The following EFL1 variants were observed in gnomAD, a reference collection of about 807,000 sequenced individuals.
EFL1 encodes the protein elongation factor like GTPase 1, also known as elongation factor-like GTPase 1.
A neutral mutation model predicts 126.7 loss-of-function variants in EFL1; 76 were observed. The ratio of observed to expected loss-of-function variants is 0.60; its 90% CI spans 0.50 to 0.73. The LOEUF (loss-of-function observed/expected upper bound fraction) is 0.73. EFL1 is among the 30% of genes least tolerant of loss of function. The probability of loss-of-function intolerance (pLI) is 0.00; values close to 1 mark genes in which losing one functional copy is unlikely to be tolerated. For synonymous variants in EFL1, 410 were observed against 448.4 expected (o/e 0.91, Z 1.08); for missense variants, 1,128 against 1,343.2 (o/e 0.84, Z 2.50).
intron 12 of EFL1, among the ~76,000 whole-genome samples, chr15:82,221,348 C>T (rs1330320389): frequency 6.6e-6 from 1 of 152,130 alleles, no homozygotes; most frequent in African/African-American, 2.4e-5. Context: ...TGCAGGTAAC[C>T]ATTCTCCCTA....
At chr15:82,147,367 C>T (rs112379770) in intron 18 of EFL1, among the ~76,000 whole-genome samples, 60 of 152,152 alleles carry the variant, frequency 3.9e-4, no homozygotes, top group African/African-American at 1.4e-3. Context: ...TGGTGACTCA[C>T]GCCTGTAATC....
At chr15:82,166,949 G>T (rs1246098689) in intron 15 of EFL1, among the ~76,000 whole-genome samples, 2 of 152,234 alleles carry the variant, frequency 1.3e-5, no homozygotes, top group East Asian at 3.8e-4. Flanking sequence ...TGGGGGATGA[G>T]AAGTATGTTC....
intron 19 of EFL1, among the ~76,000 whole-genome samples, chr15:82,138,053 G>A (rs1349259013): frequency 6.6e-6 from 1 of 152,090 alleles, no homozygotes; most frequent in Non-Finnish European, 1.5e-5. Context: ...TCTGATTACA[G>A]ATAAGGTTTG....
intron 11 of EFL1, 43 bp from the exon 12 acceptor site, chr15:82,225,307 T>TA: frequency 1.4e-6 from 2 of 1,392,524 alleles, no homozygotes; most frequent in Non-Finnish European, 1.9e-6. Flanking sequence ...TTTCCCATTA[T>TA]TAAAAAAAAA....
chr15:82,247,930 T>C (rs775629412), intron 4 of EFL1, among the ~76,000 whole-genome samples: 2 of 152,028 alleles, frequency 1.3e-5, no homozygotes, highest in African/African-American at 2.4e-5. Flanking sequence ...GGAAAGGAGA[T>C]AACTCAAGCC....
intron 4 of EFL1, among the ~76,000 whole-genome samples, chr15:82,248,344 G>A (rs2074991852): frequency 6.6e-6 from 1 of 152,064 alleles, no homozygotes; most frequent in African/African-American, 2.4e-5. Context: ...TAGGACCATG[G>A]GTAAACGTTC....
chr15:82,151,679 A>C lies in EFL1; in HGVS notation c.2775T>G (p.Asn925Lys). Residue 925 changes from asparagine to lysine, a missense_variant, in exon 18 of 20, where the codon AAT becomes AAG. By Grantham distance (94) the Asn-to-Lys change is moderately conservative. Coordinates refer to ENST00000268206, the MANE Select transcript of EFL1 (RefSeq NM_024580.6). Reference protein sequence around the residue: ...QEENETCSGGNENQELQDGCS... With the variant: ...QEENETCSGGKENQELQDGCS... The stretch of plus-strand genomic sequence containing the variant: ...AGCCATCTTGTAGCTCTTGGTTTTC[A>C]TTTCCACCAGAACAGGTTTCATTTT... 6.2e-7 allele frequency: 1 copy of C among 1,614,044 alleles called. No homozygotes were observed. Among genetic ancestry groups the C allele is most frequent in the Non-Finnish European group, 8.5e-7 (1 of 1,179,992 alleles).
At chr15:82,227,730 A>G (rs1224924745) in intron 10 of EFL1, among the ~76,000 whole-genome samples, 158 bp from the exon 11 acceptor site, 1 of 152,216 alleles carries the variant, frequency 6.6e-6, no homozygotes, top group African/African-American at 2.4e-5. Context: ...ATCTCAAAAC[A>G]TGCATACAAT....
intron 17 of EFL1, among the ~76,000 whole-genome samples, chr15:82,154,147 T>A (rs759106261): frequency 1.4e-4 from 21 of 152,188 alleles, no homozygotes; most frequent in African/African-American, 5.1e-4. Flanking sequence ...TGGAAGGAAG[T>A]GTGTGATGGT....
Position 82,212,236 on chromosome 15 carries a change from A to C in EFL1, c.1750+2481T>G, listed in dbSNP as rs1267786058. Among the ~76,000 whole-genome samples, 6 of 152,368 alleles carry C rather than the reference A, an allele frequency of 3.9e-5. No individual in the cohort carries two copies. The East Asian group carries it at 1.2e-3, about 29-fold the overall frequency. On this transcript the variant is annotated intron_variant, in intron 15 of 19. Coordinates refer to ENST00000268206, the MANE Select transcript of EFL1 (RefSeq NM_024580.6). ...ATGTTATTTAATGTTTTATCTTTAA[A>C]GTTTAGGATTATGACAAATCCCAGT...
intron 16 of EFL1, among the ~76,000 whole-genome samples, chr15:82,163,539 AAAAT>A (rs952837914): frequency 1.3e-5 from 2 of 152,210 alleles, no homozygotes; most frequent in African/African-American, 4.8e-5. Context: ...CCGCCTCAAA[AAAAT>A]AAATAAATAG....
chr15:82,209,151 T>C (rs2074556614), intron 15 of EFL1, among the ~76,000 whole-genome samples: 1 of 152,166 alleles, frequency 6.6e-6, no homozygotes, highest in Non-Finnish European at 1.5e-5. Flanking sequence ...AGAAATTCAC[T>C]AGTAAGTGAA....
intron 14 of EFL1, among the ~76,000 whole-genome samples, chr15:82,216,414 C>G (rs770859927): frequency 9.9e-5 from 15 of 152,028 alleles, no homozygotes; most frequent in Non-Finnish European, 2.1e-4. Flanking sequence ...TAGGAACAAA[C>G]AAGACACTAA....
At chr15:82,228,948 C>T (rs184825911) in intron 9 of EFL1, 86 bp downstream of exon 9, 66 of 1,126,166 alleles carry the variant, frequency 5.9e-5, no homozygotes, top group Non-Finnish European at 8.1e-5. Flanking sequence ...AAAATCTCAG[C>T]TTTCTGAAAT....
chr15:82,171,137 G>T (rs1175258071), intron 15 of EFL1, among the ~76,000 whole-genome samples: 1 of 152,170 alleles, frequency 6.6e-6, no homozygotes, highest in Non-Finnish European at 1.5e-5. Context: ...TTCAGCACAG[G>T]TATACAAATG....
chr15:82,196,979 C>G (rs1383151916), intron 15 of EFL1, among the ~76,000 whole-genome samples: 1 of 151,322 alleles, frequency 6.6e-6, no homozygotes, highest in East Asian at 1.9e-4. Context: ...TTGCAGTGAG[C>G]CGAGATTGCA....
At chr15:82,234,164 A>G (rs2074849770) in intron 7 of EFL1, among the ~76,000 whole-genome samples, 1 of 152,242 alleles carries the variant, frequency 6.6e-6, no homozygotes, top group African/African-American at 2.4e-5. Context: ...GACTAAAATT[A>G]GCATAAAACA....
chr15:82,228,895 C>T (rs1049697446), intron 9 of EFL1, 139 bp downstream of exon 9: 1 of 689,768 alleles, frequency 1.4e-6, no homozygotes, highest in African/African-American at 1.8e-5. Context: ...GCTTCCAAGC[C>T]CTGTAATCAA....
rs2073626665 is a variant in EFL1 at position 82,130,441 on chromosome 15, C to T, written c.3295G>A (p.Gly1099Arg). ...ACAATCTTTTCTTCCACATAAAGCCCCTTCCGCTTTCGTACTGCGTTCATG... is the reference window on the plus strand; with the variant it reads ...ACAATCTTTTCTTCCACATAAAGCCTCTTCCGCTTTCGTACTGCGTTCATG... ...KYMNAVRKRK[G>R]LYVEEKIVEH... Residue 1099 changes from glycine to arginine, a missense_variant, in exon 20 of 20, where the codon GGG becomes AGG. Physicochemically the swap from Gly to Arg is moderately radical, Grantham distance 125. Transcript: ENST00000268206. 2 of 1,614,150 alleles carry T rather than the reference C, an allele frequency of 1.2e-6. No homozygotes were observed. The highest frequency in any genetic ancestry group is 1.7e-6 in the Non-Finnish European group (2 of 1,180,038).
Sources: gnomAD v4.1 joint callset for allele counts (sites outside exome capture counted in the v4.1 genomes callset) on GRCh38, gnomAD v4.1.1 for gene constraint, MANE v1.5 for transcripts, NCBI Gene and HGNC (gene_info 2026-07-23, HGNC 2026-07-21) for gene names.